HIVEP3: variants seen among roughly 807,000 people sequenced by gnomAD.
The protein encoded by HIVEP3 is HIVEP zinc finger 3, also known as transcription factor HIVEP3.
In HIVEP3, 49 loss-of-function variants were observed where a neutral mutation model predicts 152.8. The observed-to-expected ratio is 0.32, with a 90% CI of 0.26 to 0.41. The LOEUF (loss-of-function observed/expected upper bound fraction) is 0.41, where lower values mean the gene tolerates loss of function less well. Ranked by LOEUF, HIVEP3 falls within the 10% of genes least tolerant of loss-of-function variation. The pLI is 1.00. For missense variants in HIVEP3, 2,790 were observed against 3,103.3 expected (o/e 0.90, Z 2.40); for synonymous variants, 1,269 against 1,289.0 (o/e 0.98, Z 0.33).
At chr1:41,943,659 G>C (rs552107644) in intron 1 of HIVEP3, among the ~76,000 whole-genome samples, 1 of 152,242 alleles carries the variant, frequency 6.6e-6, no homozygotes, top group Admixed American at 6.5e-5. Flanking sequence ...ATCTAGTTCT[G>C]ATTTATTTTT....
chr1:41,832,691 T>C (rs773644706), intron 1 of HIVEP3, among the ~76,000 whole-genome samples: 5 of 152,234 alleles, frequency 3.3e-5, no homozygotes, highest in Non-Finnish European at 7.3e-5. Flanking sequence ...AGTAGATATT[T>C]AGTAAGTGTT....
At chr1:41,642,749 G>T (rs193277717) in intron 2 of HIVEP3, among the ~76,000 whole-genome samples, 89 of 152,292 alleles carry the variant, frequency 5.8e-4, no homozygotes, top group African/African-American at 2.0e-3. Context: ...CGTCGACAGG[G>T]AAAGCTATTT....
intron 2 of HIVEP3, among the ~76,000 whole-genome samples, chr1:41,690,524 G>T (rs867888977): frequency 6.6e-6 from 1 of 152,226 alleles, no homozygotes; most frequent in Non-Finnish European, 1.5e-5. Context: ...AACCTAGACC[G>T]GAAGTGCCTT....
At chr1:41,703,108 C>G (rs1646387188) in intron 1 of HIVEP3, among the ~76,000 whole-genome samples, 1 of 152,164 alleles carries the variant, frequency 6.6e-6, no homozygotes. Flanking sequence ...ACAATCCATT[C>G]TGTAAATAGA....
chr1:41,753,986 T>C (rs918455222), intron 1 of HIVEP3, among the ~76,000 whole-genome samples: 1 of 151,736 alleles, frequency 6.6e-6, no homozygotes, highest in African/African-American at 2.4e-5. Flanking sequence ...TGAGTGCCGA[T>C]GGAGACTAGA....
intron 1 of HIVEP3, among the ~76,000 whole-genome samples, chr1:42,018,685 T>C (rs1368132756): frequency 5.9e-5 from 9 of 152,068 alleles, no homozygotes; most frequent in Non-Finnish European, 1.3e-4. Context: ...CTATCCTACC[T>C]TCTGCCTACA....
At position 41,506,475 on chromosome 1, in the gene HIVEP3, T is replaced by A. The variant is rs1352487350; in HGVS notation, c.*3976A>T. The A allele has an allele frequency of 6.6e-6, 1 of 152,228 alleles. No homozygotes were observed. 9.4% of individuals were successfully genotyped at this position (152,228 alleles called of 1,614,324 possible). ...GTAATAAAGGCAATTATTATACTTG[T>A]AAAAACTTCTCATTCACAGTACAGA... On this transcript the variant is annotated 3_prime_UTR_variant, in exon 9 of 9. Transcript: ENST00000372583.
chr1:41,875,051 G>C lies in HIVEP3; in HGVS notation c.-801+43362C>G, dbSNP rs542556842. On this transcript the variant is annotated intron_variant, in intron 1 of 8. Coordinates refer to ENST00000372583, the MANE Select transcript of HIVEP3 (RefSeq NM_024503.5). ...GGCAGGTCACAGGGAGGGATGGAGC[G>C]GGGGAGAGAACAGCAAATAGGCTTC... Among the ~76,000 whole-genome samples, 23 of 152,326 alleles carry C rather than the reference G, an allele frequency of 1.5e-4. No homozygotes were observed. In the South Asian group the frequency reaches 3.3e-3, roughly 22 times the overall value.
chr1:41,945,338 A>G (rs1034822564), intron 1 of HIVEP3, among the ~76,000 whole-genome samples: 18 of 152,224 alleles, frequency 1.2e-4, no homozygotes, highest in Non-Finnish European at 2.5e-4. Flanking sequence ...TTGGCCCAGC[A>G]GAGTGCATGT....
chr1:41,681,745 A>G (rs981387738), intron 2 of HIVEP3, among the ~76,000 whole-genome samples: 4 of 152,110 alleles, frequency 2.6e-5, no homozygotes, highest in Non-Finnish European at 2.9e-5. Context: ...CTGAGGGAGG[A>G]GGGGCTGGGA....
chr1:41,812,244 C>T (rs1411909325), intron 1 of HIVEP3, among the ~76,000 whole-genome samples: 3 of 152,134 alleles, frequency 2.0e-5, no homozygotes, highest in Admixed American at 1.3e-4. Flanking sequence ...CAAACAGAAA[C>T]CTCTTTCTCA....
chr1:41,780,880 C>A (rs562933577), intron 1 of HIVEP3, among the ~76,000 whole-genome samples: 3 of 152,286 alleles, frequency 2.0e-5, no homozygotes, highest in South Asian at 2.1e-4. Context: ...CCAGAGGCCA[C>A]CAAGACAAGC....
At chr1:41,599,105 C>T (rs2149122676) in intron 3 of HIVEP3, among the ~76,000 whole-genome samples, 1 of 152,266 alleles carries the variant, frequency 6.6e-6, no homozygotes, top group East Asian at 1.9e-4. Context: ...GTGTGAGCCA[C>T]CACACCCAGT....
intron 1 of HIVEP3, among the ~76,000 whole-genome samples, chr1:41,766,855 T>C (rs1291930929): frequency 1.3e-5 from 2 of 152,146 alleles, no homozygotes; most frequent in Non-Finnish European, 2.9e-5. Flanking sequence ...GAATGAACAG[T>C]CTCTTGGAAG....
At position 41,511,400 on chromosome 1, in the gene HIVEP3, G is replaced by A; in HGVS notation, c.6406-134C>T. 1 of 817,244 alleles carries A rather than the reference G, an allele frequency of 1.2e-6. No homozygotes were observed. The highest frequency in any genetic ancestry group is 2.9e-5 in the Admixed American group (1 of 34,032). The allele number at this position is 817,244 out of a possible 1,614,324, so 50.6% of individuals were successfully genotyped here. A position where few individuals can be genotyped will look rare whatever the true frequency, so the allele number is the denominator to read the frequency against. ...CAGGGTCCCGGCTGAGCTGAGCCCA[G>A]AACCAAGTTCCTGACTCCCTGCCCA... is the stretch of plus-strand genomic sequence containing the variant. On this transcript the variant is annotated intron_variant, in intron 8 of 8. Transcript: ENST00000372583. This position sits in a 1 kb window ranked among gnomAD's most constrained non-coding sequence, Gnocchi z 4.9.
intron 3 of HIVEP3, among the ~76,000 whole-genome samples, chr1:41,586,890 A>G (rs1644513741): frequency 6.6e-6 from 1 of 152,192 alleles, no homozygotes; most frequent in South Asian, 2.1e-4. Context: ...TAAATATGAG[A>G]AAATCATAAA....
chr1:41,892,237 C>A (rs992904251), intron 1 of HIVEP3, among the ~76,000 whole-genome samples: 2 of 152,150 alleles, frequency 1.3e-5, no homozygotes, highest in African/African-American at 2.4e-5. Flanking sequence ...ACAACAACAA[C>A]AAAAAATTCC....
At chr1:41,695,860 C>T (rs1646265999) in intron 2 of HIVEP3, among the ~76,000 whole-genome samples, 1 of 152,190 alleles carries the variant, frequency 6.6e-6, no homozygotes, top group Non-Finnish European at 1.5e-5. Flanking sequence ...CGTAAGGAAT[C>T]ACAGCAGATG....
At chr1:41,967,233 T>C (rs1645204343) in intron 1 of HIVEP3, among the ~76,000 whole-genome samples, 2 of 152,104 alleles carry the variant, frequency 1.3e-5, no homozygotes, top group Non-Finnish European at 2.9e-5. Context: ...CCCAAAACAA[T>C]AGAATATACA....
Sources: gnomAD v4.1 joint callset for allele counts (sites outside exome capture counted in the v4.1 genomes callset) on GRCh38, gnomAD v4.1.1 for gene constraint, Gnocchi (gnomAD v3.1) non-coding constraint, MANE v1.5 for transcripts, NCBI Gene and HGNC (gene_info 2026-07-23, HGNC 2026-07-21) for gene names.